Variants in SIPA1L2 observed in about 807,000 individuals in gnomAD.
The protein encoded by SIPA1L2 is signal induced proliferation associated 1 like 2, also known as signal-induced proliferation-associated 1-like protein 2.
In SIPA1L2, 56 loss-of-function variants were observed where a neutral mutation model predicts 163.9. The observed-to-expected ratio is 0.34, with a 90% CI of 0.28 to 0.43. The LOEUF (loss-of-function observed/expected upper bound fraction) is 0.43, where lower values mean the gene tolerates loss of function less well. Among genes scored for constraint, SIPA1L2 ranks in the 20% least tolerant of loss-of-function variants. SIPA1L2 has a pLI of 1.00. For synonymous variants in SIPA1L2, 877 were observed against 865.7 expected (o/e 1.01, Z -0.23); for missense variants, 1,974 against 2,193.5 (o/e 0.90, Z 2.00).
chr1:232,544,452 T>C (rs789641), intron 2 of SIPA1L2, among the ~76,000 whole-genome samples: 133,913 of 151,956 alleles, frequency 0.88, 59,497 homozygotes, highest in Middle Eastern at 0.97. Context: ...CCCAGCTACT[T>C]GGGAGGCTGA....
intron 2 of SIPA1L2, among the ~76,000 whole-genome samples, chr1:232,522,773 T>C (rs1667515170): frequency 6.6e-6 from 1 of 152,324 alleles, no homozygotes; most frequent in Non-Finnish European, 1.5e-5. Context: ...AGCCGTGAAA[T>C]AGCTGAAAAT....
chr1:232,609,000 G>GA (rs11374955), intron 1 of SIPA1L2, among the ~76,000 whole-genome samples: 107,892 of 149,040 alleles, frequency 0.72, 38,913 homozygotes, highest in East Asian at 0.83. Context: ...TGTGAAAAAA[G>GA]AAAAAAAAAA....
At chr1:232,404,600 T>C (rs1464357488) in intron 19 of SIPA1L2, among the ~76,000 whole-genome samples, 2 of 152,196 alleles carry the variant, frequency 1.3e-5, no homozygotes, top group Non-Finnish European at 2.9e-5. Context: ...CAATGCCTTA[T>C]CTTAGCACAA....
intron 2 of SIPA1L2, among the ~76,000 whole-genome samples, chr1:232,522,528 C>T: frequency 6.7e-6 from 1 of 148,624 alleles, no homozygotes. Flanking sequence ...CTAAGTTACA[C>T]CAGACTATTC....
At chr1:232,476,194 G>A (rs1430561812) in intron 7 of SIPA1L2, among the ~76,000 whole-genome samples, 2 of 152,096 alleles carry the variant, frequency 1.3e-5, no homozygotes, top group African/African-American at 4.8e-5. Context: ...CCACTATGGA[G>A]AAAAGGGCTC....
At chr1:232,517,215 T>C (rs985637222) in intron 2 of SIPA1L2, among the ~76,000 whole-genome samples, 11 of 152,210 alleles carry the variant, frequency 7.2e-5, no homozygotes, top group Non-Finnish European at 1.5e-4. Context: ...AACTCCTTTA[T>C]CCTTTTATTT....
intron 5 of SIPA1L2, among the ~76,000 whole-genome samples, chr1:232,485,093 T>C (rs1665577806): frequency 6.6e-6 from 1 of 152,186 alleles, no homozygotes; most frequent in Non-Finnish European, 1.5e-5. Flanking sequence ...CAGGAAACAT[T>C]TACCACATGC....
intron 6 of SIPA1L2, among the ~76,000 whole-genome samples, chr1:232,482,412 G>A (rs1470428423): frequency 6.6e-6 from 1 of 151,614 alleles, no homozygotes; most frequent in Non-Finnish European, 1.5e-5. Context: ...TCTCTAGGGG[G>A]TGAATGGTTG....
intron 1 of SIPA1L2, among the ~76,000 whole-genome samples, chr1:232,625,794 A>T (rs12354057): frequency 0.03 from 4,617 of 152,314 alleles, 106 homozygotes; most frequent in Non-Finnish European, 0.047. Context: ...TCTAGTACTC[A>T]AAACCATTAA....
intron 1 of SIPA1L2, among the ~76,000 whole-genome samples, chr1:232,593,933 G>C (rs1352448301): frequency 6.6e-6 from 1 of 152,182 alleles, no homozygotes; most frequent in Non-Finnish European, 1.5e-5. Flanking sequence ...CAGCCTCAAA[G>C]CCACAAGGGC....
At chr1:232,519,340 C>G (rs557344353) in intron 2 of SIPA1L2, among the ~76,000 whole-genome samples, 1 of 152,176 alleles carries the variant, frequency 6.6e-6, no homozygotes, top group Non-Finnish European at 1.5e-5. Flanking sequence ...CTCTTGTGAG[C>G]GTGGCTACGC....
intron 10 of SIPA1L2, among the ~76,000 whole-genome samples, chr1:232,454,242 A>G (rs1663759901): frequency 6.6e-6 from 1 of 152,246 alleles, no homozygotes; most frequent in African/African-American, 2.4e-5. Flanking sequence ...AAAAAGACAT[A>G]TGAACCATAA....
intron 1 of SIPA1L2, among the ~76,000 whole-genome samples, chr1:232,583,079 T>A (rs1453057904): frequency 6.6e-6 from 1 of 152,204 alleles, no homozygotes; most frequent in East Asian, 1.9e-4. Flanking sequence ...GGTGCTCTTG[T>A]TCTCACACTC....
At chr1:232,482,452 A>G (rs1572964356) in intron 6 of SIPA1L2, among the ~76,000 whole-genome samples, 1 of 152,118 alleles carries the variant, frequency 6.6e-6, no homozygotes, top group Non-Finnish European at 1.5e-5. Flanking sequence ...TGAAAAAAAA[A>G]AAAGAAAATC....
At position 232,424,795 on chromosome 1, in the gene SIPA1L2, G is replaced by A. The variant is rs542513505; in HGVS notation, c.4630+794C>T. ...GACTTCTAAGTGTATTATGAAGTTC[G>A]AATTGGTTCTAAAGATATTTTCTGT... On this transcript the variant is annotated intron_variant, in intron 18 of 22. Coordinates refer to ENST00000674635, the MANE Select transcript of SIPA1L2 (RefSeq NM_020808.5). 8.6e-5 allele frequency among the ~76,000 whole-genome samples: 13 copies of A among 152,012 alleles called. No individual in the cohort carries two copies. In the South Asian group the frequency reaches 2.5e-3, roughly 29 times the overall value.
At chr1:232,516,962 TAAAG>T (rs761624357) in intron 2 of SIPA1L2, among the ~76,000 whole-genome samples, 16 of 152,108 alleles carry the variant, frequency 1.1e-4, no homozygotes, top group Non-Finnish European at 1.6e-4. Flanking sequence ...TGTGTCTAAA[TAAAG>T]AAAGAATAAA....
At chr1:232,557,881 C>G (rs957755860) in intron 2 of SIPA1L2, among the ~76,000 whole-genome samples, 2 of 152,210 alleles carry the variant, frequency 1.3e-5, no homozygotes, top group African/African-American at 4.8e-5. Flanking sequence ...ACATCCTGTA[C>G]CAGCATGACA....
At chr1:232,453,039 T>TTACG (rs762911609) in intron 10 of SIPA1L2, among the ~76,000 whole-genome samples, 12 of 152,210 alleles carry the variant, frequency 7.9e-5, no homozygotes, top group Non-Finnish European at 1.8e-4. Context: ...TAACAGATGT[T>TTACG]TATAGAGTTC....
intron 7 of SIPA1L2, among the ~76,000 whole-genome samples, chr1:232,478,108 G>A (rs1303943386): frequency 1.3e-5 from 2 of 152,076 alleles, no homozygotes; most frequent in African/African-American, 2.4e-5. Flanking sequence ...GAATCTGCTC[G>A]GCATTATTGC....
Sources: gnomAD v4.1 joint callset for allele counts (sites outside exome capture counted in the v4.1 genomes callset) on GRCh38, gnomAD v4.1.1 for gene constraint, MANE v1.5 for transcripts, NCBI Gene and HGNC (gene_info 2026-07-23, HGNC 2026-07-21) for gene names.